Variants in KCNN2 observed in about 807,000 individuals in gnomAD.
KCNN2 encodes the protein small conductance calcium-activated potassium channel protein 2.
A neutral mutation model predicts 55.5 loss-of-function variants in KCNN2; 24 were observed. The observed-to-expected ratio is 0.43, with a 90% CI of 0.31 to 0.61. The LOEUF is 0.61. Among genes scored for constraint, KCNN2 ranks in the 20% least tolerant of loss-of-function variants. The pLI, the probability that KCNN2 is intolerant of heterozygous loss-of-function variation, is 0.08. For missense variants in KCNN2, 754 were observed against 853.6 expected, an observed-to-expected ratio of 0.88 and a Z score of 1.45; for synonymous variants, 431 against 336.1, an observed-to-expected ratio of 1.28 and a Z score of -3.09.
chr5:114,123,487 C>T (rs1284971933), intron 1 of KCNN2, among the ~76,000 whole-genome samples: 1 of 116,852 alleles, frequency 8.6e-6, no homozygotes, highest in African/African-American at 3.9e-5. Flanking sequence ...CTCAGCCTCC[C>T]GCGTAGCTGG....
chr5:114,239,156 G>A (rs146711967), intron 2 of KCNN2, among the ~76,000 whole-genome samples: 1 of 152,252 alleles, frequency 6.6e-6, no homozygotes, highest in East Asian at 1.9e-4. Context: ...GTGCATAATG[G>A]AAAGAAGCCC....
intron 3 of KCNN2, among the ~76,000 whole-genome samples, chr5:114,411,783 G>A (rs988668158): frequency 6.6e-6 from 1 of 152,120 alleles, no homozygotes; most frequent in Non-Finnish European, 1.5e-5. Flanking sequence ...CACTCAGTTC[G>A]CTGACTCACA....
intron 3 of KCNN2, among the ~76,000 whole-genome samples, chr5:114,424,240 A>G (rs766871686): frequency 1.9e-4 from 29 of 152,204 alleles, no homozygotes; most frequent in Non-Finnish European, 5.9e-5. Context: ...TTAATTTGAC[A>G]CTGTTCTTTC....
rs114083059 is a variant in KCNN2 at position 114,207,166 on chromosome 5, G to A, written c.-270-14314G>A. ...CCTAATGACTAGTTCTTGTTTTGGG[G>A]TGTATTAGAACACTGGACCGTCAAA... On this transcript the variant is annotated intron_variant, in intron 1 of 10. Coordinates refer to the KCNN2 transcript ENST00000512097. Among the ~76,000 whole-genome samples the A allele has an allele frequency of 1.6e-3, 236 of 152,222 alleles. 1 individual carries two copies. Among genetic ancestry groups the A allele is most frequent in the African/African-American group, 5.2e-3 (217 of 41,544 alleles).
At chr5:114,273,111 G>C (rs1208077009) in intron 2 of KCNN2, among the ~76,000 whole-genome samples, 10 of 152,130 alleles carry the variant, frequency 6.6e-5, no homozygotes, top group Non-Finnish European at 1.0e-4. Context: ...CCACTTATGA[G>C]TGAGAACACA....
intron 5 of KCNN2, 23 bp from the exon 6 acceptor site, chr5:114,487,027 T>A (rs1747590020): frequency 6.2e-7 from 1 of 1,612,054 alleles, no homozygotes; most frequent in Admixed American, 1.7e-5. Flanking sequence ...ATTTATCAAC[T>A]GCTTTGTTTG....
intron 2 of KCNN2, among the ~76,000 whole-genome samples, chr5:114,349,408 A>C (rs757838441): frequency 9.2e-5 from 14 of 152,228 alleles, no homozygotes; most frequent in Middle Eastern, 3.4e-3. Context: ...ATCAAGGTAC[A>C]CAAACTTTGT....
At position 114,440,141 on chromosome 5, in the gene KCNN2, A is replaced by C. The variant is rs932826580; in HGVS notation, c.1638-22908A>C. ...GTGTAACAGATCCAAAGCCAAGTAAAGAAAAAAGAAACCTACATGTAGACA... is the reference window on the plus strand; with the variant it reads ...GTGTAACAGATCCAAAGCCAAGTAACGAAAAAAGAAACCTACATGTAGACA... On this transcript the variant is annotated intron_variant, in intron 3 of 7. Coordinates refer to ENST00000673685, the MANE Select transcript of KCNN2 (RefSeq NM_021614.4). Among the ~76,000 whole-genome samples the C allele has an allele frequency of 5.3e-5, 8 of 152,192 alleles. No individual in the cohort carries two copies. The South Asian group carries it at 1.7e-3, about 32-fold the overall frequency.
chr5:114,073,409 A>G (rs1235640718), intron 1 of KCNN2, among the ~76,000 whole-genome samples: 5 of 152,154 alleles, frequency 3.3e-5, no homozygotes, highest in Non-Finnish European at 5.9e-5. Context: ...CTTTATCCCA[A>G]TGTTCAATTA....
At chr5:114,382,365 A>G (rs1758150577) in intron 2 of KCNN2, among the ~76,000 whole-genome samples, 1 of 152,194 alleles carries the variant, frequency 6.6e-6, no homozygotes, top group Non-Finnish European at 1.5e-5. Context: ...TTTACTAAAT[A>G]AAGTAAATTT....
intron 5 of KCNN2, among the ~76,000 whole-genome samples, chr5:114,485,632 C>T (rs1488009246): frequency 6.6e-6 from 1 of 152,090 alleles, no homozygotes; most frequent in Non-Finnish European, 1.5e-5. Context: ...GCAGTGCTGG[C>T]ACTTGGCTTC....
chr5:114,411,439 G>C (rs897308858), intron 3 of KCNN2, among the ~76,000 whole-genome samples: 1 of 152,078 alleles, frequency 6.6e-6, no homozygotes, highest in Non-Finnish European at 1.5e-5. Context: ...TCTGCAAGCT[G>C]GAGACAGGGT....
Position 114,159,214 on chromosome 5 carries a change from G to C in KCNN2, c.-270-62266G>C, listed in dbSNP as rs372197157. Among the ~76,000 whole-genome samples the C allele has an allele frequency of 5.8e-4, 89 of 152,176 alleles. 1 individual carries two copies. Among genetic ancestry groups the C allele is most frequent in the South Asian group, 1.0e-3 (5 of 4,822 alleles). On this transcript the variant is annotated intron_variant, in intron 1 of 10. Transcript: ENST00000512097. Reference sequence around the variant, plus strand: ...TTTATTGAGAGTTTTTAGCATGAAGGGTTGTTGAATTTTGTCAAAGGCCTT... The same window carrying C: ...TTTATTGAGAGTTTTTAGCATGAAGCGTTGTTGAATTTTGTCAAAGGCCTT...
intron 1 of KCNN2, among the ~76,000 whole-genome samples, chr5:114,161,230 T>G (rs1419416672): frequency 6.6e-6 from 1 of 152,154 alleles, no homozygotes; most frequent in Non-Finnish European, 1.5e-5. Flanking sequence ...TTTGTTTGTC[T>G]GTAAGTATTT....
At chr5:114,450,392 G>A (rs1410016956) in intron 3 of KCNN2, among the ~76,000 whole-genome samples, 2 of 152,212 alleles carry the variant, frequency 1.3e-5, no homozygotes, top group African/African-American at 2.4e-5. Context: ...CACGCAGCAG[G>A]AGCTGAATGA....
At chr5:114,321,537 G>C (rs957412036) in intron 2 of KCNN2, among the ~76,000 whole-genome samples, 1 of 152,182 alleles carries the variant, frequency 6.6e-6, no homozygotes, top group Non-Finnish European at 1.5e-5. Flanking sequence ...GCACAGGGAA[G>C]GAAGGGTAAA....
intron 1 of KCNN2, among the ~76,000 whole-genome samples, chr5:114,214,319 C>A (rs555673683): frequency 6.6e-6 from 1 of 151,752 alleles, no homozygotes; most frequent in East Asian, 1.9e-4. Context: ...AAGTAGATGA[C>A]GGGCTTGATT....
chr5:114,264,496 C>A (rs1247212245), intron 2 of KCNN2, among the ~76,000 whole-genome samples: 1 of 152,128 alleles, frequency 6.6e-6, no homozygotes, highest in Non-Finnish European at 1.5e-5. Flanking sequence ...AACAGCAAGA[C>A]AGAAAACAGG....
At chr5:114,125,264 G>C (rs1365544005) in intron 1 of KCNN2, among the ~76,000 whole-genome samples, 1 of 152,196 alleles carries the variant, frequency 6.6e-6, no homozygotes, top group African/African-American at 2.4e-5. Context: ...ATCTTTAAAA[G>C]TCTTGATGAA....
Sources: gnomAD v4.1 joint callset for allele counts (sites outside exome capture counted in the v4.1 genomes callset) on GRCh38, gnomAD v4.1.1 for gene constraint, MANE v1.5 for transcripts, NCBI Gene and HGNC (gene_info 2026-07-23, HGNC 2026-07-21) for gene names.